Variants in EXOC4 observed in about 807,000 individuals in gnomAD.
EXOC4 encodes SEC8-like 1.
In EXOC4, 71 loss-of-function variants were observed where a neutral mutation model predicts 107.2. The observed-to-expected ratio is 0.66, with a 90% CI of 0.55 to 0.81. The LOEUF is 0.81. EXOC4 is among the 30% of genes least tolerant of loss of function. The probability of loss-of-function intolerance (pLI) is 0.00; values close to 1 mark genes in which losing one functional copy is unlikely to be tolerated. For missense variants in EXOC4, 1,108 were observed against 1,189.6 expected (o/e 0.93, Z 1.01); for synonymous variants, 456 against 441.2 (o/e 1.03, Z -0.42).
intron 7 of EXOC4, among the ~76,000 whole-genome samples, chr7:133,426,483 A>G (rs989694122): frequency 6.6e-6 from 1 of 152,278 alleles, no homozygotes; most frequent in South Asian, 2.1e-4. Flanking sequence ...GTGTGGGATA[A>G]TAATAGTATC....
intron 17 of EXOC4, among the ~76,000 whole-genome samples, chr7:134,053,423 A>G (rs959006639): frequency 6.6e-6 from 1 of 152,070 alleles, no homozygotes; most frequent in Non-Finnish European, 1.5e-5. Context: ...GATGAAGAGA[A>G]TAAGGCACAG....
chr7:133,731,462 G>GA (rs996373711), intron 10 of EXOC4, among the ~76,000 whole-genome samples: 87 of 149,716 alleles, frequency 5.8e-4, no homozygotes, highest in African/African-American at 1.9e-3. Context: ...ACTGGGATAT[G>GA]AAAAAAAAAT....
chr7:134,073,769 G>A, the EXOC4 span, among the ~76,000 whole-genome samples: 36 of 152,228 alleles, frequency 2.4e-4, no homozygotes, highest in East Asian at 3.3e-3. Context: ...ACAGGCAGGG[G>A]ATGGGGGTTT....
chr7:133,480,789 A>G (rs980309840), intron 9 of EXOC4: 1 of 152,152 alleles, frequency 6.6e-6, no homozygotes, highest in African/African-American at 2.4e-5. Context: ...TGTGGTGACT[A>G]ACACCTGTAA....
intron 12 of EXOC4, among the ~76,000 whole-genome samples, chr7:133,910,341 G>A (rs1391978325): frequency 1.3e-5 from 2 of 152,136 alleles, no homozygotes; most frequent in Admixed American, 1.3e-4. Context: ...TCTATTTAAA[G>A]GTTGTTACTA....
intron 13 of EXOC4, among the ~76,000 whole-genome samples, chr7:133,926,520 A>G (rs569194781): frequency 2.4e-3 from 360 of 152,326 alleles, no homozygotes; most frequent in Non-Finnish European, 4.3e-3. Flanking sequence ...TCTCCTTTCC[A>G]ATAACAGGTT....
chr7:134,036,202 C>T (rs535606440), intron 17 of EXOC4, among the ~76,000 whole-genome samples: 98 of 152,252 alleles, frequency 6.4e-4, no homozygotes, highest in African/African-American at 2.3e-3. Flanking sequence ...GAAAAAAAGG[C>T]CACGGTGACT....
At chr7:133,956,827 A>C (rs548410830) in intron 14 of EXOC4, among the ~76,000 whole-genome samples, 2 of 152,386 alleles carry the variant, frequency 1.3e-5, no homozygotes, top group South Asian at 4.1e-4. Context: ...AAAGCTGCAA[A>C]GAATTGTGAT....
At chr7:133,534,897 GTTA>G (rs767871257) in intron 9 of EXOC4, among the ~76,000 whole-genome samples, 1 of 152,082 alleles carries the variant, frequency 6.6e-6, no homozygotes, top group Non-Finnish European at 1.5e-5. Flanking sequence ...GCTTGGAGCT[GTTA>G]TTATCCCATG....
At chr7:134,076,197 TC>T in the EXOC4 span, among the ~76,000 whole-genome samples, 1 of 152,158 alleles carries the variant, frequency 6.6e-6, no homozygotes, top group African/African-American at 2.4e-5. Flanking sequence ...CAACAAGTCC[TC>T]AGTCAGTACA....
At chr7:133,805,328 G>A (rs1797049065) in intron 10 of EXOC4, among the ~76,000 whole-genome samples, 1 of 152,150 alleles carries the variant, frequency 6.6e-6, no homozygotes, top group Admixed American at 6.5e-5. Context: ...AGTAGAAATA[G>A]ACCACATGAT....
chr7:133,741,943 A>G (rs1169830812), intron 10 of EXOC4, among the ~76,000 whole-genome samples: 2 of 152,196 alleles, frequency 1.3e-5, no homozygotes, highest in Non-Finnish European at 2.9e-5. Flanking sequence ...AGGGACTGAT[A>G]AAGTTATTTT....
chr7:133,777,578 G>A lies in EXOC4; in HGVS notation c.1515-39747G>A, dbSNP rs542693387. Among the ~76,000 whole-genome samples, 6 of 152,336 alleles carry A rather than the reference G, an allele frequency of 3.9e-5. No homozygotes were observed. The South Asian group carries it at 1.2e-3, about 32-fold the overall frequency. ...ACAGTGTTATGATTATTGGTGGAATGAGGATGCACTGATTTGGAATTGTAG... is the reference window on the plus strand; with the variant it reads ...ACAGTGTTATGATTATTGGTGGAATAAGGATGCACTGATTTGGAATTGTAG... On this transcript the variant is annotated intron_variant, in intron 10 of 17. Transcript: ENST00000253861.
chr7:133,779,226 A>G (rs1424793903), intron 10 of EXOC4, among the ~76,000 whole-genome samples: 12 of 152,168 alleles, frequency 7.9e-5, no homozygotes, highest in Admixed American at 2.0e-4. Flanking sequence ...TGTAAAATTT[A>G]TATCTACTTG....
chr7:133,325,141 T>G (rs1795208199), intron 5 of EXOC4, among the ~76,000 whole-genome samples: 3 of 152,216 alleles, frequency 2.0e-5, no homozygotes, highest in Admixed American at 1.3e-4. Context: ...TACAGCACAC[T>G]GATGGGTCTT....
intron 17 of EXOC4, among the ~76,000 whole-genome samples, chr7:134,058,336 A>T (rs867080812): frequency 6.6e-6 from 1 of 152,216 alleles, no homozygotes; most frequent in East Asian, 1.9e-4. Flanking sequence ...GGGAAGGACT[A>T]CAAGAGAAAG....
chr7:133,860,726 A>G (rs1798516393), intron 11 of EXOC4, among the ~76,000 whole-genome samples: 3 of 152,156 alleles, frequency 2.0e-5, no homozygotes, highest in Admixed American at 2.0e-4. Flanking sequence ...ATGGGATTTA[A>G]ATGCTTTAAT....
chr7:133,802,619 G>A (rs1796971636), intron 10 of EXOC4, among the ~76,000 whole-genome samples: 2 of 152,084 alleles, frequency 1.3e-5, no homozygotes, highest in South Asian at 2.1e-4. Context: ...AGCACTTTGG[G>A]AGGCTGAGGC....
chr7:133,826,273 T>C (rs1483635783), intron 11 of EXOC4, among the ~76,000 whole-genome samples: 6 of 152,240 alleles, frequency 3.9e-5, no homozygotes, highest in Non-Finnish European at 7.3e-5. Context: ...GTGTTACTTA[T>C]GTATTGTTAA....
Sources: gnomAD v4.1 joint callset for allele counts (sites outside exome capture counted in the v4.1 genomes callset) on GRCh38, gnomAD v4.1.1 for gene constraint, MANE v1.5 for transcripts, NCBI Gene and HGNC (gene_info 2026-07-23, HGNC 2026-07-21) for gene names.